The following ABHD8 variants were observed in gnomAD, a reference collection of about 807,000 sequenced individuals.
The protein encoded by ABHD8 is protein ABHD8.
ABHD8 carries 10 observed loss-of-function variants against 29.3 expected under a neutral mutation model. The observed-to-expected ratio is 0.34, with a 90% CI of 0.21 to 0.58. The LOEUF is 0.58. Among genes scored for constraint, ABHD8 ranks in the 20% least tolerant of loss-of-function variants. The pLI is 0.85. For synonymous variants in ABHD8, 282 were observed against 274.6 expected, an observed-to-expected ratio of 1.03 and a Z score of -0.27; for missense variants, 556 against 615.3, an observed-to-expected ratio of 0.90 and a Z score of 1.02.
rs771215862 is a variant in ABHD8 at position 17,301,104 on chromosome 19, G to C, written c.513C>G (p.Gly171=). 1.9e-6 allele frequency: 3 copies of C among 1,613,294 alleles called. No homozygotes were observed. The South Asian group carries it at 3.3e-5, about 18-fold the overall frequency. Residue 171 remains glycine (G), a synonymous_variant, in exon 2 of 5, where the codon GGC becomes GGG. Transcript: ENST00000247706. ...AAAAGAGCACCACGTCGGCCTGGGC[G>C]CCTTTGCAGCTAGTGATGCGCTTCT... ...DCEKRITSCK[G]AQADVVLFFI...
At position 17,301,460 on chromosome 19, in the gene ABHD8, G is replaced by T; in HGVS notation, c.157C>A (p.Pro53Thr). The part of the protein sequence containing the change: ...VLRVKHAGPA[P>T]AAAPPPPSSA... ...GATGGTGGAGGTGGGGCAGCGGCTG[G>T]GGCGGGTCCTGCATGCTTCACCCGC... The change falls in exon 2 of 5, where the codon CCA (proline) becomes ACA (threonine). Residue 53 changes from proline (P) to threonine (T), a missense_variant. By Grantham distance (38) the Pro-to-Thr change is conservative. This residue lies in a region of ABHD8 where 286 missense variants were observed against 261.4 expected (regional missense o/e 1.09). Coordinates refer to ENST00000247706, the MANE Select transcript of ABHD8 (RefSeq NM_024527.5). The T allele has an allele frequency of 6.2e-7, 1 of 1,611,684 alleles. No homozygotes were observed.
intron 4 of ABHD8, 79 bp downstream of exon 4, chr19:17,294,209 G>A: frequency 1.3e-6 from 2 of 1,495,758 alleles, no homozygotes; most frequent in Non-Finnish European, 1.8e-6. Context: ...GCGCTACCAC[G>A]CCCCCCGCAG....
rs374747961 is a variant in ABHD8 at position 17,301,644 on chromosome 19, C to G, written c.-8-20G>C. On this transcript the variant is annotated intron_variant, in intron 1 of 4. Coordinates refer to ENST00000247706, the MANE Select transcript of ABHD8 (RefSeq NM_024527.5). ...TGTGTCCTGTGAGTGAGGACAGCAGCCAGTTCAGGTGCTGTCTCAATGAGA... is the reference window on the plus strand; with the variant it reads ...TGTGTCCTGTGAGTGAGGACAGCAGGCAGTTCAGGTGCTGTCTCAATGAGA... The G allele has an allele frequency of 7.9e-6, 12 of 1,518,208 alleles. No homozygotes were observed. In the African/African-American group the frequency reaches 1.2e-4, roughly 16 times the overall value. 94.0% of individuals were successfully genotyped at this position (1,518,208 alleles called of 1,614,324 possible). A position where few individuals can be genotyped will look rare whatever the true frequency, so the allele number is the denominator to read the frequency against.
rs771702219 is a variant in ABHD8, at chr19:17,292,623, G to A, written c.*38C>T. On this transcript the variant is annotated 3_prime_UTR_variant, in exon 5 of 5. Transcript: ENST00000247706. ...GCAGGCTCGGGCCTCCTCCTGCTGC[G>A]GCTGTGCTCACCAAGCGATGCCCCG... 23 of 1,573,626 alleles carry A rather than the reference G, an allele frequency of 1.5e-5. No homozygotes were observed. Among genetic ancestry groups the A allele is most frequent in the Non-Finnish European group, 1.9e-5 (22 of 1,160,810 alleles).
intron 4 of ABHD8, among the ~76,000 whole-genome samples, chr19:17,293,380 A>C (rs2074079374): frequency 6.7e-6 from 1 of 148,788 alleles, no homozygotes. Flanking sequence ...TACAGGAGTG[A>C]GCCACCGCGC....
Position 17,300,865 on chromosome 19 carries a change from TG to T in ABHD8, c.751del (p.His251IlefsTer18), listed in dbSNP as rs776913911. The T allele has an allele frequency of 6.3e-7, 1 of 1,592,122 alleles. No homozygotes were observed. Among genetic ancestry groups the T allele is most frequent in the Non-Finnish European group, 8.6e-7 (1 of 1,164,392 alleles). On this transcript the variant is annotated frameshift_variant, in exon 2 of 5. Transcript: ENST00000247706. LOFTEE classifies it high-confidence loss of function. ...YAKKRNVLIG[H>X]SYGVSFCTFL... is the part of the protein sequence containing the mutation. ...GCCAGGGTTCACTTACCCGTAGGAA[TG>T]GCCAATGAGCACATTTCGCTTCTTG...
chr19:17,292,249 A>T lies in ABHD8; in HGVS notation c.*412T>A. 4.5e-6 allele frequency: 1 copy of T among 220,212 alleles called. No individual in the cohort carries two copies. Among genetic ancestry groups the T allele is most frequent in the Non-Finnish European group, 8.9e-6 (1 of 112,136 alleles). The allele number at this position is 220,212 out of a possible 1,614,324, so 13.6% of individuals were successfully genotyped here. A position where few individuals can be genotyped will look rare whatever the true frequency, so the allele number is the denominator to read the frequency against. On this transcript the variant is annotated 3_prime_UTR_variant, in exon 5 of 5. Coordinates refer to ENST00000247706, the MANE Select transcript of ABHD8 (RefSeq NM_024527.5). ...CTCCCAGCGCCGAGGAATGGGGGGT[A>T]GGAAGGGTCTCGGATAACGGGATGG...
chr19:17,293,579 C>T (rs1204499216), intron 4 of ABHD8, among the ~76,000 whole-genome samples: 1 of 152,078 alleles, frequency 6.6e-6, no homozygotes, highest in Non-Finnish European at 1.5e-5. Flanking sequence ...AGTACCCCCT[C>T]CCCCTCAGTC....
chr19:17,292,872 G>A, intron 4 of ABHD8, 41 bp from the exon 5 acceptor site: 1 of 1,585,510 alleles, frequency 6.3e-7, no homozygotes. Context: ...GGGGCAAGAG[G>A]GTGGAGAGAG....
chr19:17,295,090 A>ATTTTTTTTTTTTTTTTTT (rs779607230), intron 2 of ABHD8, among the ~76,000 whole-genome samples: 1 of 80,412 alleles, frequency 1.2e-5, no homozygotes, highest in African/African-American at 4.9e-5. Context: ...CACCCAGGTA[A>ATTTTTTTTTTTTTTTTTT]TTTTTTTTTT....
chr19:17,300,465 C>T (rs573172687), intron 2 of ABHD8, among the ~76,000 whole-genome samples: 168 of 152,008 alleles, frequency 1.1e-3, no homozygotes, highest in Middle Eastern at 6.8e-3. Flanking sequence ...CCTTGGCCCC[C>T]GAAAGCACTG....
At chr19:17,299,713 GA>G (rs959706200) in intron 2 of ABHD8, among the ~76,000 whole-genome samples, 5 of 151,152 alleles carry the variant, frequency 3.3e-5, no homozygotes, top group African/African-American at 7.3e-5. Context: ...CTATTTAAAA[GA>G]AAAAAAAATT....
intron 2 of ABHD8, among the ~76,000 whole-genome samples, chr19:17,300,454 G>T (rs367595574): frequency 1.3e-5 from 2 of 151,802 alleles, no homozygotes; most frequent in Non-Finnish European, 2.9e-5. Flanking sequence ...ATATCCTCCC[G>T]CCTTGGCCCC....
At chr19:17,297,365 G>A (rs549446596) in intron 2 of ABHD8, among the ~76,000 whole-genome samples, 3 of 151,950 alleles carry the variant, frequency 2.0e-5, no homozygotes, top group East Asian at 1.9e-4. Flanking sequence ...GTGCGATCTC[G>A]GCTCACTGCA....
At chr19:17,293,456 T>TG (rs975215785) in intron 4 of ABHD8, among the ~76,000 whole-genome samples, 97 of 6,550 alleles carry the variant, frequency 0.015, no homozygotes, top group African/African-American at 0.057. Context: ...CATTCTTTGC[T>TG]GGGGGGGCGG....
Position 17,303,371 on chromosome 19 carries a change from G to C in ABHD8, c.-138C>G, listed in dbSNP as rs1007365290. ...GGTGCGTCTACGCGGGCGGGCACCT[G>C]CCCCTGGCGGTCAGCGCAGGGGCAT... On this transcript the variant is annotated 5_prime_UTR_variant, in exon 1 of 5. Coordinates refer to ENST00000247706, the MANE Select transcript of ABHD8 (RefSeq NM_024527.5). 4 of 152,240 alleles carry C rather than the reference G, an allele frequency of 2.6e-5. No individual in the cohort carries two copies. Among genetic ancestry groups the C allele is most frequent in the African/African-American group, 9.6e-5 (4 of 41,460 alleles). 9.4% of individuals were successfully genotyped at this position (152,240 alleles called of 1,614,324 possible). A position where few individuals can be genotyped will look rare whatever the true frequency, so the allele number is the denominator to read the frequency against.
intron 2 of ABHD8, among the ~76,000 whole-genome samples, chr19:17,300,152 C>A (rs1014554108): frequency 6.6e-6 from 1 of 151,176 alleles, no homozygotes; most frequent in Non-Finnish European, 1.5e-5. Context: ...GATCCGCCCG[C>A]CTCAGCCTCC....
intron 4 of ABHD8, among the ~76,000 whole-genome samples, chr19:17,293,269 G>T (rs1355893695): frequency 6.6e-6 from 1 of 151,650 alleles, no homozygotes. Context: ...CTAATTTTTT[G>T]TATTTTTAGT....
At chr19:17,302,420 C>G (rs771701701) in intron 1 of ABHD8, among the ~76,000 whole-genome samples, 6 of 152,236 alleles carry the variant, frequency 3.9e-5, no homozygotes, top group Non-Finnish European at 8.8e-5. Flanking sequence ...GGTATGCACT[C>G]ACTAACTCAC....
Sources: allele counts gnomAD v4.1 joint callset (sites outside exome capture counted in the v4.1 genomes callset), GRCh38; gene constraint gnomAD v4.1.1; regional missense constraint gnomAD v4.1.1; transcripts MANE v1.5; gene names NCBI Gene and HGNC (gene_info 2026-07-23, HGNC 2026-07-21).